The following PCDHGA5 variants were observed in gnomAD, a reference collection of about 807,000 sequenced individuals.
PCDHGA5 encodes the protein protocadherin gamma-A5.
PCDHGA5 carries 36 observed loss-of-function variants against 56.7 expected under a neutral mutation model. The observed-to-expected ratio is 0.64, with a 90% CI of 0.49 to 0.84. The LOEUF (loss-of-function observed/expected upper bound fraction) is 0.84, where lower values mean the gene tolerates loss of function less well. PCDHGA5 is among the 40% of genes least tolerant of loss of function. PCDHGA5 has a pLI of 0.00. For missense variants in PCDHGA5, 1,305 were observed against 1,201.5 expected (o/e 1.09, Z -1.27); for synonymous variants, 563 against 520.2 (o/e 1.08, Z -1.12).
chr5:141,425,207 G>A lies in PCDHGA5; in HGVS notation c.2421+58456G>A, dbSNP rs546494803. 1.8e-3 allele frequency among the ~76,000 whole-genome samples: 281 copies of A among 152,238 alleles called. 1 individual carries two copies. The highest frequency in any genetic ancestry group is 6.6e-3 in the African/African-American group (274 of 41,534). ...TCCAAACTGAGAAAAATGATGTAAG[G>A]CATTGTACTTTGACTGGAATTAGTT... On this transcript the variant is annotated intron_variant, in intron 1 of 3. Coordinates refer to ENST00000518069, the MANE Select transcript of PCDHGA5 (RefSeq NM_018918.3).
intron 1 of PCDHGA5, among the ~76,000 whole-genome samples, chr5:141,450,830 T>TTTA (rs1554136905): frequency 6.9e-5 from 7 of 101,548 alleles, no homozygotes; most frequent in East Asian, 2.6e-4. Flanking sequence ...ATTATTATTA[T>TTTA]TTTTTTTTTT....
rs1481171398 is a variant in PCDHGA5 at position 141,455,879 on chromosome 5, ATTT to A, written c.2422-38927_2422-38925del. 3.8e-4 allele frequency among the ~76,000 whole-genome samples: 56 copies of A among 147,786 alleles called. No individual in the cohort carries two copies. In the East Asian group the frequency reaches 8.9e-3, roughly 23 times the overall value. On this transcript the variant is annotated intron_variant, in intron 1 of 3. Coordinates refer to ENST00000518069, the MANE Select transcript of PCDHGA5 (RefSeq NM_018918.3). ...TCTTTTATTATTTATTTATTTATTTATTTATTTATTTATTTATTTATTTATTTA... is the reference window on the plus strand; with the variant it reads ...TCTTTTATTATTTATTTATTTATTTAATTTATTTATTTATTTATTTATTTA...
In PCDHGA5 at chr5:141,490,506, C is replaced by T. The variant is rs967095367; in HGVS notation, c.2422-4301C>T. ...GGGAGGCCACATCCCACTATATCAT[C>T]GAGCTGCTGGCCAGCGATGCTGGTT... is the stretch of plus-strand genomic sequence containing the variant. On this transcript the variant is annotated intron_variant, in intron 1 of 3. Transcript: ENST00000518069. This position sits in a 1 kb window ranked among gnomAD's most constrained non-coding sequence, Gnocchi z 5.4. The T allele has an allele frequency of 1.2e-5, 19 of 1,614,116 alleles. No homozygotes were observed. The highest frequency in any genetic ancestry group is 2.2e-5 in the South Asian group (2 of 91,088).
At chr5:141,465,337 G>GCC (rs2099101328) in intron 1 of PCDHGA5, among the ~76,000 whole-genome samples, 6 of 151,962 alleles carry the variant, frequency 3.9e-5, no homozygotes, top group Admixed American at 2.6e-4. Flanking sequence ...TTTTTATATT[G>GCC]GTTACTGAAG....
At position 141,476,418 on chromosome 5, in the gene PCDHGA5, T is replaced by G. The variant is rs201255025; in HGVS notation, c.2422-18389T>G. ...GATCGAGAGGAGCTGTGTGGGACAC[T>G]GCCCTCTTGCACTGTAACTCTGGAG... On this transcript the variant is annotated intron_variant, in intron 1 of 3. Transcript: ENST00000518069. This position sits in a 1 kb window ranked among gnomAD's most constrained non-coding sequence, Gnocchi z 7.6. 8 of 1,614,122 alleles carry G rather than the reference T, an allele frequency of 5.0e-6. No homozygotes were observed. The highest frequency in any genetic ancestry group is 1.6e-4 in the Middle Eastern group (1 of 6,062).
intron 1 of PCDHGA5, among the ~76,000 whole-genome samples, chr5:141,446,356 A>G (rs73280911): frequency 0.088 from 13,411 of 152,284 alleles, 771 homozygotes; most frequent in African/African-American, 0.16. Flanking sequence ...CTACCATTTG[A>G]TGAGAATGGA....
In PCDHGA5 at chr5:141,366,535, G is replaced by A. The variant is rs1463456881; in HGVS notation, c.2205G>A (p.Val735=). 6.2e-7 allele frequency: 1 copy of A among 1,614,144 alleles called. No individual in the cohort carries two copies. The highest frequency in any genetic ancestry group is 8.5e-7 in the Non-Finnish European group (1 of 1,180,056). ...LQAEGSRLAG[V]PASHFVGVDG... ...CTGAAGGCAGCAGGTTGGCGGGTGT[G>A]CCCGCCTCGCACTTTGTGGGCGTGG... Residue 735 remains valine (V), a synonymous_variant, in exon 1 of 4, where the codon GTG becomes GTA. Coordinates refer to ENST00000518069, the MANE Select transcript of PCDHGA5 (RefSeq NM_018918.3).
chr5:141,490,421 C>T lies in PCDHGA5; in HGVS notation c.2422-4386C>T. On this transcript the variant is annotated intron_variant, in intron 1 of 3. Coordinates refer to ENST00000518069, the MANE Select transcript of PCDHGA5 (RefSeq NM_018918.3). The surrounding 1 kb of genome is among the most constrained non-coding windows in gnomAD (Gnocchi z 5.4). ...AGCCTTGATATCTCTCCGGACCTGCCATTTCAGATTAAGCCTTCTGAGAAC... is the reference window on the plus strand; with the variant it reads ...AGCCTTGATATCTCTCCGGACCTGCTATTTCAGATTAAGCCTTCTGAGAAC... 1 of 1,614,192 alleles carries T rather than the reference C, an allele frequency of 6.2e-7. No homozygotes were observed. The highest frequency in any genetic ancestry group is 8.5e-7 in the Non-Finnish European group (1 of 1,180,016).
At chr5:141,446,642 A>T (rs939365233) in intron 1 of PCDHGA5, among the ~76,000 whole-genome samples, 2 of 151,970 alleles carry the variant, frequency 1.3e-5, no homozygotes, top group Admixed American at 1.3e-4. Flanking sequence ...ACGCCTGGCT[A>T]ATTTTTGTAT....
rs1561869034 is a variant in PCDHGA5 at position 141,433,357 on chromosome 5, G to GT, written c.2422-61450_2422-61449insT. On this transcript the variant is annotated intron_variant, in intron 1 of 3. Transcript: ENST00000518069. ...TACAGGTGCAAGCCACCTACTGTCT[G>GT]CCTATCTATCTATCTATCTATCTAT... 125 of 569,056 alleles carry GT rather than the reference G, an allele frequency of 2.2e-4. No homozygotes were observed. In the African/African-American group the frequency reaches 2.4e-3, roughly 11 times the overall value. The allele number at this position is 569,056 out of a possible 1,614,324, so 35.3% of individuals were successfully genotyped here. A position where few individuals can be genotyped will look rare whatever the true frequency, so the allele number is the denominator to read the frequency against.
At chr5:141,480,927 C>T (rs1562083028) in intron 1 of PCDHGA5, among the ~76,000 whole-genome samples, 1 of 152,090 alleles carries the variant, frequency 6.6e-6, no homozygotes, top group Non-Finnish European at 1.5e-5. Context: ...TACCTGTAGT[C>T]CCAGCTACTC....
rs200964276 is a variant in PCDHGA5 at position 141,371,678 on chromosome 5, C to G, written c.2421+4927C>G. The G allele has an allele frequency of 1.6e-3, 2,661 of 1,614,038 alleles. 3 individuals carry two copies. Among genetic ancestry groups the G allele is most frequent in the Non-Finnish European group, 2.1e-3 (2,441 of 1,179,894 alleles). On this transcript the variant is annotated intron_variant, in intron 1 of 3. Coordinates refer to ENST00000518069, the MANE Select transcript of PCDHGA5 (RefSeq NM_018918.3). ...TGACGATCACAGCTACCGACAAAGG[C>G]AATCCACCGCTCTCCTCCAGCAAGA...
chr5:141,389,836 C>T (rs1471068729), intron 1 of PCDHGA5: 2 of 1,613,874 alleles, frequency 1.2e-6, no homozygotes, highest in Non-Finnish European at 1.7e-6. Context: ...GGACAGCCAC[C>T]ACTCTCGGCC....
intron 1 of PCDHGA5, among the ~76,000 whole-genome samples, chr5:141,437,526 G>A (rs1199002765): frequency 1.3e-5 from 2 of 152,160 alleles, no homozygotes; most frequent in East Asian, 3.8e-4. Context: ...GATGACAAAT[G>A]AGCAAATTGT....
At chr5:141,443,317 C>CA (rs35054295) in intron 1 of PCDHGA5, among the ~76,000 whole-genome samples, 76,100 of 141,790 alleles carry the variant, frequency 0.54, 21,234 homozygotes, top group African/African-American at 0.75. Flanking sequence ...CCCATCTCTA[C>CA]AAAAAAAAAA....
intron 1 of PCDHGA5, chr5:141,409,550 C>T (rs764101999): frequency 1.9e-6 from 3 of 1,613,992 alleles, no homozygotes; most frequent in African/African-American, 2.7e-5. Context: ...CGACAACGCC[C>T]CAGTTTTCGA....
rs1292277026 is a variant in PCDHGA5 at position 141,489,814 on chromosome 5, CCA to C, written c.2422-4992_2422-4991del. 6 of 1,614,024 alleles carry C rather than the reference CCA, an allele frequency of 3.7e-6. No homozygotes were observed. Among genetic ancestry groups the C allele is most frequent in the Non-Finnish European group, 8.5e-7 (1 of 1,180,004 alleles). ...GACCCTAAAAGATGGGAAGCCATTC[CCA>C]GAGCTGGTGCTAGAGCAGCAGCTGG... On this transcript the variant is annotated intron_variant, in intron 1 of 3. Transcript: ENST00000518069. This position sits in a 1 kb window ranked among gnomAD's most constrained non-coding sequence, Gnocchi z 4.5.
In PCDHGA5 at chr5:141,432,854, G is replaced by A. The variant is rs769962088; in HGVS notation, c.2422-61953G>A. 1 of 1,614,192 alleles carries A rather than the reference G, an allele frequency of 6.2e-7. No homozygotes were observed. On this transcript the variant is annotated intron_variant, in intron 1 of 3. Transcript: ENST00000518069. The surrounding 1 kb of genome is among the most constrained non-coding windows in gnomAD (Gnocchi z 6.0). ...TCTGTACCTGGTGGTAGCGGTGGCC[G>A]CGGTCTCCTGCGTCTTCCTGGCCTT...
intron 1 of PCDHGA5, among the ~76,000 whole-genome samples, chr5:141,420,727 G>C (rs1454487477): frequency 2.0e-5 from 3 of 152,180 alleles, no homozygotes; most frequent in African/African-American, 7.2e-5. Flanking sequence ...CTTTCAGTCG[G>C]TTAAAATCAA....
Sources: allele counts gnomAD v4.1 joint callset (sites outside exome capture counted in the v4.1 genomes callset), GRCh38; gene constraint gnomAD v4.1.1; non-coding constraint Gnocchi (gnomAD v3.1); transcripts MANE v1.5; gene names NCBI Gene and HGNC (gene_info 2026-07-23, HGNC 2026-07-21).